PACRG: variants seen among roughly 807,000 people sequenced by gnomAD.
PACRG encodes the protein parkin coregulated, also known as parkin coregulated gene protein.
A neutral mutation model predicts 29.7 loss-of-function variants in PACRG; 29 were observed. That is an observed-to-expected ratio of 0.98 (90% CI 0.73 to 1.33). PACRG has a LOEUF of 1.33. PACRG is among the 40% of genes most tolerant of loss of function. The pLI is 0.00. For missense variants in PACRG, 279 were observed against 316.2 expected (o/e 0.88, Z 0.89); for synonymous variants, 116 against 118.7 (o/e 0.98, Z 0.15).
intron 4 of PACRG, among the ~76,000 whole-genome samples, chr6:163,249,201 G>T (rs1768481805): frequency 6.6e-6 from 1 of 152,044 alleles, no homozygotes; most frequent in Non-Finnish European, 1.5e-5. Context: ...AAAGTCTCTG[G>T]GTCAATATTA....
At chr6:163,253,065 G>A (rs1252084086) in intron 4 of PACRG, among the ~76,000 whole-genome samples, 4 of 152,116 alleles carry the variant, frequency 2.6e-5, no homozygotes, top group South Asian at 4.1e-4. Flanking sequence ...GGGAGGCTGA[G>A]GCAGGCAGAT....
In PACRG at chr6:162,820,578, G is replaced by A. The variant is rs189376529; in HGVS notation, c.291+6297G>A. Reference sequence around the variant, plus strand: ...GCTATCAGAATATTCACAAGATTCCGTAATTTTGAGTTATAATTTAGTCCC... The same window carrying A: ...GCTATCAGAATATTCACAAGATTCCATAATTTTGAGTTATAATTTAGTCCC... On this transcript the variant is annotated intron_variant, in intron 2 of 4. Coordinates refer to ENST00000366888, the MANE Select transcript of PACRG (RefSeq NM_001080379.2). 7.1e-3 allele frequency among the ~76,000 whole-genome samples: 1,085 copies of A among 152,160 alleles called. 6 individuals carry two copies. Among genetic ancestry groups the A allele is most frequent in the African/African-American group, 0.015 (615 of 41,506 alleles).
At chr6:162,817,394 T>C (rs990427184) in intron 2 of PACRG, among the ~76,000 whole-genome samples, 1 of 152,232 alleles carries the variant, frequency 6.6e-6, no homozygotes, top group Non-Finnish European at 1.5e-5. Flanking sequence ...GCCCACGCCC[T>C]GCTCTCAGTA....
intron 1 of PACRG, among the ~76,000 whole-genome samples, chr6:162,801,903 A>G (rs1043124084): frequency 7.9e-5 from 12 of 152,180 alleles, no homozygotes; most frequent in African/African-American, 2.9e-4. Flanking sequence ...GGAATAGCAA[A>G]CATAATTTTC....
At chr6:163,020,452 C>A (rs1056564101) in intron 2 of PACRG, among the ~76,000 whole-genome samples, 5 of 152,064 alleles carry the variant, frequency 3.3e-5, no homozygotes, top group Non-Finnish European at 7.4e-5. Flanking sequence ...CCCTCCCAAT[C>A]TGATTTTTGC....
chr6:162,928,884 A>G (rs1797644600), intron 2 of PACRG, among the ~76,000 whole-genome samples: 1 of 151,638 alleles, frequency 6.6e-6, no homozygotes, highest in Non-Finnish European at 1.5e-5. Context: ...CTTTCTGTGC[A>G]TGGCATATAT....
intron 2 of PACRG, among the ~76,000 whole-genome samples, chr6:162,937,525 A>G (rs1390723444): frequency 1.3e-5 from 2 of 152,112 alleles, no homozygotes; most frequent in Admixed American, 6.5e-5. Flanking sequence ...CTTCACATCT[A>G]TGTCTCGGGT....
chr6:163,120,177 A>G (rs1430949870), intron 4 of PACRG, among the ~76,000 whole-genome samples: 1 of 152,088 alleles, frequency 6.6e-6, no homozygotes, highest in Non-Finnish European at 1.5e-5. Context: ...TAAGAGGGAA[A>G]GCTATAGTGG....
rs543394435 is a variant in PACRG at position 162,963,851 on chromosome 6, A to G, written c.292-98299A>G. On this transcript the variant is annotated intron_variant, in intron 2 of 4. Transcript: ENST00000366888. ...TATTTTGCTATTCTATTTCATTGCA[A>G]TTGCAATATATCAGTTAGATCATGG... Among the ~76,000 whole-genome samples, 32 of 152,150 alleles carry G rather than the reference A, an allele frequency of 2.1e-4. No homozygotes were observed. In the South Asian group the frequency reaches 6.6e-3, roughly 32 times the overall value.
At chr6:163,062,009 A>T (rs951811666) in intron 2 of PACRG, 141 bp from the exon 3 acceptor site, 21 of 747,714 alleles carry the variant, frequency 2.8e-5, no homozygotes, top group African/African-American at 2.8e-4. Context: ...ACTTCAGGTC[A>T]TTAGGGGGAT....
intron 4 of PACRG, among the ~76,000 whole-genome samples, chr6:163,159,972 C>T (rs996445209): frequency 1.1e-4 from 16 of 152,138 alleles, no homozygotes; most frequent in African/African-American, 3.1e-4. Context: ...AGCCCTGCTC[C>T]GACAGAGGCT....
At chr6:162,907,425 G>C (rs1584724182) in intron 2 of PACRG, among the ~76,000 whole-genome samples, 1 of 152,004 alleles carries the variant, frequency 6.6e-6, no homozygotes, top group South Asian at 2.1e-4. Context: ...TACATGATCT[G>C]AAAATTAATT....
chr6:162,786,219 A>G (rs985889519), intron 1 of PACRG, among the ~76,000 whole-genome samples: 6 of 152,216 alleles, frequency 3.9e-5, no homozygotes, highest in African/African-American at 1.2e-4. Context: ...TTTGAGGTAT[A>G]AACAGTGCCT....
At chr6:163,314,541 G>T (rs552673001) in intron 4 of PACRG, among the ~76,000 whole-genome samples, 15 of 152,190 alleles carry the variant, frequency 9.9e-5, no homozygotes, top group Admixed American at 8.5e-4. Flanking sequence ...GTATATAATA[G>T]ATCAAGAAAG....
chr6:163,033,364 A>G (rs895697007), intron 2 of PACRG, among the ~76,000 whole-genome samples: 4 of 152,230 alleles, frequency 2.6e-5, no homozygotes, highest in Non-Finnish European at 5.9e-5. Flanking sequence ...CTAATGCTCC[A>G]AAATAAATGG....
chr6:162,779,745 C>T lies in PACRG; in HGVS notation c.157-34402C>T, dbSNP rs143274895. Among the ~76,000 whole-genome samples, 19 of 152,214 alleles carry T rather than the reference C, an allele frequency of 1.2e-4. No homozygotes were observed. The East Asian group carries it at 3.7e-3, about 29-fold the overall frequency. On this transcript the variant is annotated intron_variant, in intron 1 of 4. Coordinates refer to ENST00000366888, the MANE Select transcript of PACRG (RefSeq NM_001080379.2). The stretch of plus-strand genomic sequence containing the variant: ...TCAATAATGAATACGAATGTGACCT[C>T]GAAATAGTATGTAGTCCATTTCTAA...
intron 4 of PACRG, among the ~76,000 whole-genome samples, chr6:163,140,549 G>T (rs1817112297): frequency 6.6e-6 from 1 of 152,188 alleles, no homozygotes; most frequent in Non-Finnish European, 1.5e-5. Context: ...CTACTAGCTG[G>T]GAAAGAGAGA....
At chr6:163,147,869 T>A (rs956909865) in intron 4 of PACRG, among the ~76,000 whole-genome samples, 2 of 152,166 alleles carry the variant, frequency 1.3e-5, no homozygotes, top group Admixed American at 6.5e-5. Flanking sequence ...CTAGCACCTT[T>A]CTTTACCAAC....
chr6:162,747,234 C>T (rs748326356), intron 1 of PACRG, among the ~76,000 whole-genome samples: 4 of 147,984 alleles, frequency 2.7e-5, no homozygotes, highest in African/African-American at 5.0e-5. Flanking sequence ...TCCCAGCCTA[C>T]GTCTTTCTCC....
Sources: allele counts gnomAD v4.1 joint callset (sites outside exome capture counted in the v4.1 genomes callset), GRCh38; gene constraint gnomAD v4.1.1; transcripts MANE v1.5; gene names NCBI Gene and HGNC (gene_info 2026-07-23, HGNC 2026-07-21).